Variants in NGLY1 observed in about 807,000 individuals in gnomAD.
The protein encoded by NGLY1 is N-glycanase 1, also known as peptide-N(4)-(N-acetyl-beta-glucosaminyl)asparagine amidase.
NGLY1 carries 68 observed loss-of-function variants against 84.6 expected under a neutral mutation model. That is an observed-to-expected ratio of 0.80 (90% CI 0.66 to 0.98). The LOEUF (loss-of-function observed/expected upper bound fraction) is 0.98, where lower values mean the gene tolerates loss of function less well. Ranked by LOEUF, NGLY1 falls within the 50% of genes least tolerant of loss-of-function variation. The pLI is 0.00. For synonymous variants in NGLY1, 280 were observed against 275.2 expected, an observed-to-expected ratio of 1.02 and a Z score of -0.17; for missense variants, 779 against 770.2, an observed-to-expected ratio of 1.01 and a Z score of -0.14.
intron 5 of NGLY1, among the ~76,000 whole-genome samples, chr3:25,739,063 G>T (rs1057420020): frequency 2.6e-5 from 4 of 152,182 alleles, no homozygotes; most frequent in African/African-American, 7.2e-5. Context: ...GCTGATTATT[G>T]TGAGAGTGAA....
intron 10 of NGLY1, among the ~76,000 whole-genome samples, chr3:25,726,697 T>G (rs905450883): frequency 6.6e-6 from 1 of 152,186 alleles, no homozygotes; most frequent in African/African-American, 2.4e-5. Context: ...CTAAGAGCAC[T>G]CAGTTAAGGA....
chr3:25,758,669 G>A (rs28403107), intron 3 of NGLY1, among the ~76,000 whole-genome samples: 2,473 of 152,118 alleles, frequency 0.016, 70 homozygotes, highest in African/African-American at 0.057. Flanking sequence ...GTATATTGCC[G>A]TAGTAGTACA....
intron 10 of NGLY1, among the ~76,000 whole-genome samples, chr3:25,727,067 ACAGAGC>A (rs1448886181): frequency 6.6e-6 from 1 of 152,190 alleles, no homozygotes; most frequent in Non-Finnish European, 1.5e-5. Context: ...TTACTATTCA[ACAGAGC>A]TAGAAAATCC....
intron 2 of NGLY1, among the ~76,000 whole-genome samples, chr3:25,771,149 T>C (rs1300350969): frequency 6.6e-6 from 1 of 152,206 alleles, no homozygotes; most frequent in East Asian, 1.9e-4. Flanking sequence ...TTTTCTGATG[T>C]TATCTTCTAG....
intron 10 of NGLY1, among the ~76,000 whole-genome samples, chr3:25,724,119 T>A (rs1478135878): frequency 6.6e-6 from 1 of 152,272 alleles, no homozygotes. Flanking sequence ...ATGTAACTAA[T>A]ATTCTACAGA....
At chr3:25,787,459 G>A (rs1306088752), upstream of NGLY1, among the ~76,000 whole-genome samples, 1 of 152,088 alleles carries the variant, frequency 6.6e-6, no homozygotes, top group Admixed American at 6.6e-5. Flanking sequence ...TCTTTCTAAA[G>A]CACCCATCTG....
intron 3 of NGLY1, among the ~76,000 whole-genome samples, chr3:25,754,774 A>C (rs537793150): frequency 7.0e-6 from 1 of 142,652 alleles, no homozygotes; most frequent in East Asian, 2.1e-4. Flanking sequence ...AGAACACATT[A>C]GAGATGACTC....
At chr3:25,726,260 CACTT>C (rs1705256877) in intron 10 of NGLY1, among the ~76,000 whole-genome samples, 2 of 152,152 alleles carry the variant, frequency 1.3e-5, no homozygotes, top group African/African-American at 4.8e-5. Flanking sequence ...CTTTACTAAA[CACTT>C]ACTATGTATC....
chr3:25,771,732 T>C (rs1280545204), intron 2 of NGLY1, among the ~76,000 whole-genome samples: 1 of 152,204 alleles, frequency 6.6e-6, no homozygotes, highest in African/African-American at 2.4e-5. Flanking sequence ...GTTTTCCTTA[T>C]AGAGGTCTTT....
chr3:25,754,870 C>A, intron 3 of NGLY1: 1 of 589,052 alleles, frequency 1.7e-6, no homozygotes, highest in Non-Finnish European at 3.1e-6. Context: ...AAATGACCAA[C>A]TAAGTTAAAG....
chr3:25,790,024 G>C (rs946028403), exon 1 of NGLY1: 4 of 869,850 alleles, frequency 4.6e-6, no homozygotes, highest in Non-Finnish European at 7.4e-6. Flanking sequence ...CGAACGGGAC[G>C]CGTGCGTGGG....
At position 25,783,336 on chromosome 3, in the gene NGLY1, C is replaced by T; in HGVS notation, c.55G>A (p.Glu19Lys). The change falls in exon 1 of 12, where the codon GAG (glutamate) becomes AAG (lysine). Residue 19 changes from glutamate to lysine, a missense_variant. By Grantham distance (56) the Glu-to-Lys change is moderately conservative (BLOSUM62 1). Transcript: ENST00000280700. This position sits in a 1 kb window ranked among gnomAD's most constrained non-coding sequence, Gnocchi z 4.5. Reference sequence around the variant, plus strand: ...GTCTCCGGGGTGTTCTGGCAGAGCTCAGCCACGGCCGGGGACGCCGAGCCT... The same window carrying T: ...GTCTCCGGGGTGTTCTGGCAGAGCTTAGCCACGGCCGGGGACGCCGAGCCT... The part of the protein sequence containing the change: ...SSGSASPAVA[E>K]LCQNTPETFL... The T allele has an allele frequency of 6.3e-7, 1 of 1,587,292 alleles. No individual in the cohort carries two copies. Among genetic ancestry groups the T allele is most frequent in the Non-Finnish European group, 8.6e-7 (1 of 1,168,514 alleles).
intron 2 of NGLY1, chr3:25,778,364 T>G: frequency 2.6e-6 from 1 of 389,046 alleles, no homozygotes; most frequent in Non-Finnish European, 4.7e-6. Flanking sequence ...TCGTAAGAAT[T>G]TCTCTGTGGA....
At chr3:25,773,038 C>A (rs1707974233) in intron 2 of NGLY1, among the ~76,000 whole-genome samples, 1 of 152,110 alleles carries the variant, frequency 6.6e-6, no homozygotes, top group Non-Finnish European at 1.5e-5. Context: ...TTATCTGATG[C>A]TTTTGCCTAA....
intron 9 of NGLY1, among the ~76,000 whole-genome samples, chr3:25,730,868 T>C (rs1397553189): frequency 6.6e-6 from 1 of 152,124 alleles, no homozygotes; most frequent in East Asian, 1.9e-4. Context: ...TGAGTTATTT[T>C]TCTTTCAAGC....
chr3:25,778,659 A>G lies in NGLY1; in HGVS notation c.161T>C (p.Ile54Thr), dbSNP rs1490327448. Reference sequence around the variant, plus strand: ...AGAAAAGGCTGTGTTTCCAATCCGGATGGATCTATATTTTTCATCATTAGG... The same window carrying G: ...AGAAAAGGCTGTGTTTCCAATCCGGGTGGATCTATATTTTTCATCATTAGG... ...RNPNDEKYRS[I>T]RIGNTAFSTR... Residue 54 changes from isoleucine to threonine, a missense_variant, in exon 2 of 12, where the codon ATC becomes ACC. Coordinates refer to ENST00000280700, the MANE Select transcript of NGLY1 (RefSeq NM_018297.4). 1.2e-6 allele frequency: 2 copies of G among 1,608,944 alleles called. No homozygotes were observed. Among genetic ancestry groups the G allele is most frequent in the East Asian group, 2.2e-5 (1 of 44,766 alleles).
chr3:25,788,928 C>A (rs888583855), intron 1 of NGLY1, among the ~76,000 whole-genome samples: 2 of 152,176 alleles, frequency 1.3e-5, no homozygotes, highest in South Asian at 2.1e-4. Context: ...GACTCACATT[C>A]TTCTGTAGGG....
chr3:25,739,003 G>A (rs1399532917), intron 5 of NGLY1, among the ~76,000 whole-genome samples: 1 of 152,094 alleles, frequency 6.6e-6, no homozygotes, highest in Non-Finnish European at 1.5e-5. Context: ...TTGGGCAGGG[G>A]AAGCACCTAA....
In NGLY1 at chr3:25,719,373, G is replaced by T; in HGVS notation, c.*87C>A. ...AAAAGAAATATGCTAGCACAGGGTG[G>T]TAACTGCCAACTAAGCATGCACTGA... On this transcript the variant is annotated 3_prime_UTR_variant, in exon 12 of 12. Coordinates refer to ENST00000280700, the MANE Select transcript of NGLY1 (RefSeq NM_018297.4). 9.2e-7 allele frequency: 1 copy of T among 1,085,068 alleles called. No homozygotes were observed. The highest frequency in any genetic ancestry group is 1.6e-5 in the South Asian group (1 of 63,294). 67.2% of individuals were successfully genotyped at this position (1,085,068 alleles called of 1,614,324 possible). A position where few individuals can be genotyped will look rare whatever the true frequency, so the allele number is the denominator to read the frequency against.
Sources: gnomAD v4.1 joint callset for allele counts (sites outside exome capture counted in the v4.1 genomes callset) on GRCh38, gnomAD v4.1.1 for gene constraint, Gnocchi (gnomAD v3.1) non-coding constraint, MANE v1.5 for transcripts, NCBI Gene and HGNC (gene_info 2026-07-23, HGNC 2026-07-21) for gene names.